Variants in TAF1 observed in about 807,000 individuals in gnomAD.
TAF1 encodes the protein transcription initiation factor TFIID subunit 1.
In TAF1, 2 loss-of-function variants were observed where a neutral mutation model predicts 138.5. The ratio of observed to expected loss-of-function variants is 0.01; its 90% CI spans 0.01 to 0.05. The LOEUF is 0.05. Ranked by LOEUF, TAF1 falls within the 10% of genes least tolerant of loss-of-function variation. The pLI, the probability that TAF1 is intolerant of heterozygous loss-of-function variation, is 1.00. For synonymous variants in TAF1, 437 were observed against 503.2 expected, an observed-to-expected ratio of 0.87 and a Z score of 1.76; for missense variants, 709 against 1,478.0, an observed-to-expected ratio of 0.48 and a Z score of 8.53.
Position 71,368,051 on chromosome X carries a change from T to C in TAF1, c.236-3T>C, listed in dbSNP as rs1200309381. On this transcript the variant is annotated splice_region_variant and splice_polypyrimidine_tract_variant and intron_variant, in intron 2 of 37. Transcript: ENST00000423759. Reference sequence around the variant, plus strand: ...GTTGCGATTCTCCCTGCTTTTTTCATAGGGTGGGTTAGGAGTACAGAAGAT... The same window carrying C: ...GTTGCGATTCTCCCTGCTTTTTTCACAGGGTGGGTTAGGAGTACAGAAGAT... The C allele has an allele frequency of 8.3e-7, 1 of 1,208,133 alleles. No individual in the cohort carries two copies. The highest frequency in any genetic ancestry group is 2.2e-5 in the Admixed American group (1 of 45,489).
chrX:71,401,645 G>A lies in TAF1; in HGVS notation c.3904G>A (p.Glu1302Lys). ...NPVAMTEEQE[E>K]ELEKTVIHND... ...TGTTGCCATGACAGAAGAACAGGAG[G>A]AGGAGTTGGAAAAGACAGTCATTCA... Residue 1302 changes from glutamate to lysine, a missense_variant, in exon 25 of 38, where the codon GAG becomes AAG. Physicochemically the swap from Glu to Lys is moderately conservative, Grantham distance 56. Around this residue, in one of 14 missense-constraint regions of TAF1, gnomAD observed 5 missense variants for 63.5 expected, o/e 0.08. Coordinates refer to ENST00000423759, the MANE Select transcript of TAF1 (RefSeq NM_004606.5). 8.3e-7 allele frequency: 1 copy of A among 1,211,795 alleles called. No individual in the cohort carries two copies. Among genetic ancestry groups the A allele is most frequent in the Non-Finnish European group, 1.1e-6 (1 of 895,579 alleles).
At chrX:71,431,030 T>C (rs1292914224) in intron 32 of TAF1, among the ~76,000 whole-genome samples, 3 of 95,939 alleles carry the variant, frequency 3.1e-5, no homozygotes, top group African/African-American at 1.2e-4. Flanking sequence ...TTTTTTTTTT[T>C]TTGAGACAGA....
intron 14 of TAF1, chrX:71,387,033 C>G: frequency 2.5e-6 from 1 of 400,979 alleles, no homozygotes. Flanking sequence ...CTAGCATCAT[C>G]TGAATTCACA....
intron 13 of TAF1, among the ~76,000 whole-genome samples, chrX:71,501,548 T>C (rs1032556825): frequency 4.5e-5 from 5 of 111,544 alleles, no homozygotes; most frequent in Admixed American, 9.6e-5. Flanking sequence ...CGAGTCTTGC[T>C]TGGGCGACAT....
intron 22 of TAF1, among the ~76,000 whole-genome samples, chrX:71,395,536 T>C (rs961327321): frequency 1.8e-5 from 2 of 110,684 alleles, no homozygotes; most frequent in African/African-American, 6.6e-5. Flanking sequence ...GTGTAATATG[T>C]GGAGTTTGAG....
chrX:71,381,056 G>A (rs959747750), intron 8 of TAF1, among the ~76,000 whole-genome samples: 1 of 111,512 alleles, frequency 9.0e-6, no homozygotes. Context: ...CCCACTTTAT[G>A]GGTTATATAT....
intron 3 of TAF1, 91 bp downstream of exon 3, chrX:71,368,261 C>T (rs1263066429): frequency 5.4e-6 from 5 of 922,141 alleles, no homozygotes; most frequent in African/African-American, 3.9e-5. Context: ...CCGCTGTCTG[C>T]CATTGTTTCT....
rs2034295371 is a variant in TAF1, at chrX:71,387,472, G to T, written c.2427+11G>T. The T allele has an allele frequency of 1.7e-6, 2 of 1,208,943 alleles. No individual in the cohort carries two copies. The highest frequency in any genetic ancestry group is 4.4e-5 in the Admixed American group (2 of 45,707). On this transcript the variant is annotated intron_variant, in intron 15 of 37. Transcript: ENST00000423759. ...CGAGACTTTCTACAGGTAAGAATGG[G>T]AGGATAGGGAGGGGATTGGGTTGTA...
chrX:71,378,343 C>G lies in TAF1; in HGVS notation c.1042C>G (p.Arg348Gly), dbSNP rs2033633544. Reference sequence around the variant, plus strand: ...GGCTGAGTGGCGTTATGGGCCTGCCCGACTGTGGTATGATATGCTGGGTGT... The same window carrying G: ...GGCTGAGTGGCGTTATGGGCCTGCCGGACTGTGGTATGATATGCTGGGTGT... ...RVAEWRYGPA[R>G]LWYDMLGVPE... The change falls in exon 7 of 38, where the codon CGA becomes GGA. Residue 348 changes from arginine to glycine, a missense_variant. This residue lies in a region of TAF1 where 201 missense variants were observed against 421.3 expected (regional missense o/e 0.48). Coordinates refer to ENST00000423759, the MANE Select transcript of TAF1 (RefSeq NM_004606.5). The G allele has an allele frequency of 8.3e-7, 1 of 1,209,991 alleles. No individual in the cohort carries two copies. The highest frequency in any genetic ancestry group is 1.1e-6 in the Non-Finnish European group (1 of 895,249).
At chrX:71,398,192 G>A (rs1363499636) in intron 23 of TAF1, among the ~76,000 whole-genome samples, 10 of 110,901 alleles carry the variant, frequency 9.0e-5, no homozygotes, top group African/African-American at 3.0e-4. Flanking sequence ...ACAAAAATTA[G>A]CTGGGTGTGG....
chrX:71,474,351 G>A (rs2038942750), intron 13 of TAF1, among the ~76,000 whole-genome samples: 1 of 111,455 alleles, frequency 9.0e-6, no homozygotes, highest in South Asian at 3.7e-4. Context: ...AATGTATTAG[G>A]GAAGGAGCCA....
intron 13 of TAF1, among the ~76,000 whole-genome samples, chrX:71,473,631 TGAGCCACTACATG>T (rs1201913285): frequency 1.8e-5 from 2 of 110,126 alleles, no homozygotes; most frequent in Non-Finnish European, 3.8e-5. Context: ...CAGTGAGCCG[TGAGCCACTACATG>T]GAGCCACTAC....
At chrX:71,425,281 A>C (rs2036541774) in intron 32 of TAF1, among the ~76,000 whole-genome samples, 2 of 111,553 alleles carry the variant, frequency 1.8e-5, no homozygotes, top group South Asian at 7.4e-4. Context: ...ACTGATAAGA[A>C]AGACAGTCAC....
At chrX:71,391,326 G>A (rs1032405568) in intron 18 of TAF1, among the ~76,000 whole-genome samples, 1 of 111,331 alleles carries the variant, frequency 9.0e-6, no homozygotes, top group Non-Finnish European at 1.9e-5. Context: ...GTAAAGAATC[G>A]TTGTACTACT....
chrX:71,447,861 G>C (rs2037769766), intron 32 of TAF1, among the ~76,000 whole-genome samples: 1 of 110,821 alleles, frequency 9.0e-6, no homozygotes, highest in African/African-American at 3.3e-5. Flanking sequence ...GCTGTCATTG[G>C]CATTATCTCT....
intron 2 of TAF1, 99 bp downstream of exon 2, chrX:71,367,712 C>G: frequency 2.0e-6 from 2 of 998,995 alleles, no homozygotes; most frequent in Non-Finnish European, 2.7e-6. Context: ...GCTCTGTCTC[C>G]GAGGTTGGAG....
chrX:71,440,464 G>T (rs1378588248), intron 32 of TAF1, among the ~76,000 whole-genome samples: 5 of 109,924 alleles, frequency 4.5e-5, no homozygotes, highest in African/African-American at 1.7e-4. Context: ...AGAATAGAAT[G>T]GTATATGTTT....
intron 14 of TAF1, 37 bp from the exon 15 acceptor site, chrX:71,387,224 A>G (rs749584002): frequency 4.2e-6 from 5 of 1,196,310 alleles, no homozygotes; most frequent in Non-Finnish European, 5.7e-6. Flanking sequence ...TCCTAGGGCT[A>G]CTCTGTATAT....
chrX:71,403,855 G>A (rs2035307687), intron 25 of TAF1, among the ~76,000 whole-genome samples: 1 of 104,081 alleles, frequency 9.6e-6, no homozygotes, highest in African/African-American at 3.5e-5. Context: ...TAATTTTGAT[G>A]CTCACATAGT....
Sources: allele counts gnomAD v4.1 joint callset (sites outside exome capture counted in the v4.1 genomes callset), GRCh38; gene constraint gnomAD v4.1.1; regional missense constraint gnomAD v4.1.1; transcripts MANE v1.5; gene names NCBI Gene and HGNC (gene_info 2026-07-23, HGNC 2026-07-21).